The following KCNAB1 variants were observed in gnomAD, a reference collection of about 807,000 sequenced individuals.
The protein encoded by KCNAB1 is potassium voltage-gated channel subfamily A regulatory beta subunit 1.
KCNAB1 carries 35 observed loss-of-function variants against 64.6 expected under a neutral mutation model. The ratio of observed to expected loss-of-function variants is 0.54; its 90% CI spans 0.41 to 0.72. The LOEUF (loss-of-function observed/expected upper bound fraction) is 0.72, where lower values mean the gene tolerates loss of function less well. Ranked by LOEUF, KCNAB1 falls within the 30% of genes least tolerant of loss-of-function variation. The probability of loss-of-function intolerance (pLI) is 0.00; values close to 1 mark genes in which losing one functional copy is unlikely to be tolerated. For synonymous variants in KCNAB1, 177 were observed against 183.8 expected (o/e 0.96, Z 0.30); for missense variants, 401 against 512.9 (o/e 0.78, Z 2.11).
At chr3:156,432,429 A>T (rs1211392573) in intron 2 of KCNAB1, among the ~76,000 whole-genome samples, 1 of 152,228 alleles carries the variant, frequency 6.6e-6, no homozygotes, top group Non-Finnish European at 1.5e-5. Context: ...TAACACCTGG[A>T]TGATGAAAAT....
At chr3:156,129,759 TC>T (rs1713883778) in intron 1 of KCNAB1, among the ~76,000 whole-genome samples, 2 of 152,222 alleles carry the variant, frequency 1.3e-5, no homozygotes, top group Admixed American at 6.5e-5. Flanking sequence ...TTATTTTGCC[TC>T]CCTGATCTTC....
rs202048385 is a variant in KCNAB1, at chr3:156,334,128, TA to T, written c.276-87487del. Among the ~76,000 whole-genome samples the T allele has an allele frequency of 7.2e-4, 110 of 152,362 alleles. 2 individuals carry two copies. The East Asian group carries it at 0.018, about 25-fold the overall frequency. On this transcript the variant is annotated intron_variant, in intron 1 of 13. Transcript: ENST00000490337. The stretch of plus-strand genomic sequence containing the variant: ...TTTTCTTCTAAAACTTTTATGGTTT[TA>T]TTTTTTGCATTTAAATTCCTGATCC...
At chr3:156,415,961 C>T (rs1472612010) in intron 1 of KCNAB1, among the ~76,000 whole-genome samples, 2 of 152,184 alleles carry the variant, frequency 1.3e-5, no homozygotes, top group African/African-American at 2.4e-5. Context: ...CCAATGAACA[C>T]TCTACTTCGG....
At chr3:156,284,891 G>C (rs1377721415) in intron 1 of KCNAB1, among the ~76,000 whole-genome samples, 2 of 152,138 alleles carry the variant, frequency 1.3e-5, no homozygotes, top group African/African-American at 4.8e-5. Flanking sequence ...AGATGAACCC[G>C]GTACCTCAGA....
At chr3:156,174,788 C>T (rs773343693) in intron 1 of KCNAB1, among the ~76,000 whole-genome samples, 8 of 152,166 alleles carry the variant, frequency 5.3e-5, no homozygotes, top group African/African-American at 1.4e-4. Context: ...GAGCCACCAA[C>T]GCAGGGGTCT....
chr3:156,283,809 A>T (rs1467764058), intron 1 of KCNAB1, among the ~76,000 whole-genome samples: 1 of 151,970 alleles, frequency 6.6e-6, no homozygotes, highest in Non-Finnish European at 1.5e-5. Context: ...CTTGGTTTTC[A>T]GCTCCATCAG....
At chr3:156,165,277 CAAAAAAAA>C (rs35419424) in intron 1 of KCNAB1, among the ~76,000 whole-genome samples, 2 of 27,136 alleles carry the variant, frequency 7.4e-5, no homozygotes, top group East Asian at 2.2e-3. Flanking sequence ...GACTCCGTCT[CAAAAAAAA>C]AAAAAAAAAA....
chr3:156,194,531 G>T (rs190836983), intron 1 of KCNAB1, among the ~76,000 whole-genome samples: 1 of 151,934 alleles, frequency 6.6e-6, no homozygotes, highest in Non-Finnish European at 1.5e-5. Context: ...CAAGGAATTT[G>T]ATTATGGTTT....
chr3:156,354,047 ATGTGTGTG>A lies in KCNAB1; in HGVS notation c.276-67549_276-67542del, dbSNP rs368761986. On this transcript the variant is annotated intron_variant, in intron 1 of 13. Coordinates refer to ENST00000490337, the MANE Select transcript of KCNAB1 (RefSeq NM_172160.3). ...TGTCATAATGTGTGTGTGTATATAT[ATGTGTGTG>A]TGTGTGTGTGTGTGTGTGTATATAT... Among the ~76,000 whole-genome samples the A allele has an allele frequency of 6.5e-5, 9 of 137,584 alleles. No individual in the cohort carries two copies. In the South Asian group the frequency reaches 6.9e-4, roughly 11 times the overall value. The allele number at this position is 137,584 out of a possible 152,430, so 90.3% of individuals were successfully genotyped here.
At chr3:156,232,126 A>G (rs1300548537) in intron 1 of KCNAB1, among the ~76,000 whole-genome samples, 3 of 152,194 alleles carry the variant, frequency 2.0e-5, no homozygotes, top group Non-Finnish European at 4.4e-5. Context: ...TTTAAATAGC[A>G]TCTAAATAAT....
chr3:156,367,332 C>G (rs6789057), intron 1 of KCNAB1, among the ~76,000 whole-genome samples: 14,663 of 144,770 alleles, frequency 0.1, 799 homozygotes, highest in South Asian at 0.23. Context: ...CTGGCCACTA[C>G]GCCCAGCTAA....
chr3:156,414,305 T>C (rs1184195730), intron 1 of KCNAB1, among the ~76,000 whole-genome samples: 1 of 152,206 alleles, frequency 6.6e-6, no homozygotes, highest in Non-Finnish European at 1.5e-5. Flanking sequence ...GAGCTTTAAA[T>C]AACATTACAT....
At chr3:156,527,970 C>T (rs960318227) in intron 12 of KCNAB1, among the ~76,000 whole-genome samples, 5 of 152,190 alleles carry the variant, frequency 3.3e-5, no homozygotes, top group African/African-American at 1.2e-4. Flanking sequence ...TATCCAGAAT[C>T]AGCTGCAGTT....
chr3:156,165,311 C>T (rs1231108397), intron 1 of KCNAB1, among the ~76,000 whole-genome samples: 1 of 133,930 alleles, frequency 7.5e-6, no homozygotes, highest in Middle Eastern at 4.1e-3. Context: ...AAAAAGAAAG[C>T]AAATAAGTGA....
At chr3:156,306,259 T>A (rs1721485868) in intron 1 of KCNAB1, among the ~76,000 whole-genome samples, 1 of 152,192 alleles carries the variant, frequency 6.6e-6, no homozygotes, top group Non-Finnish European at 1.5e-5. Context: ...GTTCAGTGAC[T>A]CTGGCCTTTT....
intron 1 of KCNAB1, among the ~76,000 whole-genome samples, chr3:156,205,671 A>G (rs1012193804): frequency 7.2e-5 from 11 of 152,180 alleles, no homozygotes; most frequent in African/African-American, 9.7e-5. Context: ...GCACTGAGAC[A>G]TAATCTCTTG....
intron 8 of KCNAB1, among the ~76,000 whole-genome samples, chr3:156,477,243 C>G (rs1470669643): frequency 1.3e-5 from 2 of 152,046 alleles, no homozygotes; most frequent in Admixed American, 1.3e-4. Context: ...CATTATTTAG[C>G]CTTTATGGGA....
intron 1 of KCNAB1, among the ~76,000 whole-genome samples, chr3:156,392,172 T>C (rs1460294643): frequency 6.6e-6 from 1 of 152,174 alleles, no homozygotes; most frequent in Non-Finnish European, 1.5e-5. Flanking sequence ...TGAAATTCTA[T>C]GGTGTATGTT....
chr3:156,375,104 G>A (rs1296702315), intron 1 of KCNAB1, among the ~76,000 whole-genome samples: 1 of 135,770 alleles, frequency 7.4e-6, no homozygotes, highest in Admixed American at 6.9e-5. Flanking sequence ...AAATAACAAT[G>A]CCTTGCATTA....
Sources: allele counts gnomAD v4.1 joint callset (sites outside exome capture counted in the v4.1 genomes callset), GRCh38; gene constraint gnomAD v4.1.1; transcripts MANE v1.5; gene names NCBI Gene and HGNC (gene_info 2026-07-23, HGNC 2026-07-21).